ASGR2: variants seen among roughly 807,000 people sequenced by gnomAD.
ASGR2 encodes C-type lectin domain family 4 member H2.
In ASGR2, 34 loss-of-function variants were observed where a neutral mutation model predicts 32.3. That is an observed-to-expected ratio of 1.05 (90% CI 0.80 to 1.40). The LOEUF is 1.40. ASGR2 is among the 40% of genes most tolerant of loss of function. The probability of loss-of-function intolerance (pLI) is 0.00; values close to 1 mark genes in which losing one functional copy is unlikely to be tolerated. For missense variants in ASGR2, 385 were observed against 386.4 expected, an observed-to-expected ratio of 1.00 and a Z score of 0.03; for synonymous variants, 143 against 150.0, an observed-to-expected ratio of 0.95 and a Z score of 0.34.
intron 2 of ASGR2, among the ~76,000 whole-genome samples, chr17:7,110,390 G>C (rs895823879): frequency 6.6e-6 from 1 of 151,540 alleles, no homozygotes; most frequent in Non-Finnish European, 1.5e-5. Flanking sequence ...GGCCCTCCAT[G>C]GCTGAGTCCC....
In ASGR2 at chr17:7,114,287, C is replaced by T. The variant is rs747752168; in HGVS notation, c.-47G>A. 4.0e-6 allele frequency: 6 copies of T among 1,494,836 alleles called. No homozygotes were observed. The East Asian group carries it at 1.4e-4, about 36-fold the overall frequency. The allele number at this position is 1,494,836 out of a possible 1,614,324, so 92.6% of individuals were successfully genotyped here. ...GGAGCTGGAGCTGGGCTGGGCTGGG[C>T]TGAGGTTGCTCTGAGGGCTGGGGCT... On this transcript the variant is annotated 5_prime_UTR_variant, in exon 2 of 9. Coordinates refer to ENST00000691900, the MANE Select transcript of ASGR2 (RefSeq NM_001201352.2). This position sits in a 1 kb window ranked among gnomAD's most constrained non-coding sequence, Gnocchi z 4.5.
Position 7,108,726 on chromosome 17 carries a change from C to T in ASGR2, c.241+46G>A, listed in dbSNP as rs199707493. On this transcript the variant is annotated intron_variant, in intron 3 of 8. Transcript: ENST00000691900. This position sits in a 1 kb window ranked among gnomAD's most constrained non-coding sequence, Gnocchi z 4.9. Reference sequence around the variant, plus strand: ...TCGCTGCCCGCCACTGCCCATGTCTCTTTCCCTACCCCTTGCCCATCCCTG... The same window carrying T: ...TCGCTGCCCGCCACTGCCCATGTCTTTTTCCCTACCCCTTGCCCATCCCTG... 9,284 of 1,613,834 alleles carry T rather than the reference C, an allele frequency of 5.8e-3. 54 individuals are homozygous for T. Among genetic ancestry groups the T allele is most frequent in the South Asian group, 0.02 (1,805 of 91,042 alleles).
chr17:7,113,576 C>T lies in ASGR2; in HGVS notation c.124+541G>A, dbSNP rs1915055107. 6.6e-6 allele frequency among the ~76,000 whole-genome samples: 1 copy of T among 150,948 alleles called. No individual in the cohort carries two copies. Among genetic ancestry groups the T allele is most frequent in the Non-Finnish European group, 1.5e-5 (1 of 67,722 alleles). On this transcript the variant is annotated intron_variant, in intron 2 of 8. Transcript: ENST00000691900. This position sits in a 1 kb window ranked among gnomAD's most constrained non-coding sequence, Gnocchi z 5.1. ...ATACACACAACATACACACAACATA[C>T]ACACACTCACATACACAACATACAC...
At chr17:7,102,471 A>G (rs1419329712) in intron 7 of ASGR2, among the ~76,000 whole-genome samples, 1 of 152,150 alleles carries the variant, frequency 6.6e-6, no homozygotes, top group Non-Finnish European at 1.5e-5. Flanking sequence ...CAGTGACCAC[A>G]TTTTGCAGGG....
intron 7 of ASGR2, among the ~76,000 whole-genome samples, 170 bp from the exon 8 acceptor site, chr17:7,102,366 CT>C (rs1912973867): frequency 6.6e-6 from 1 of 152,204 alleles, no homozygotes; most frequent in Admixed American, 6.5e-5. Context: ...GTCACTCTAG[CT>C]ACTGTTCAGT....
chr17:7,102,221 T>C, intron 7 of ASGR2, 25 bp from the exon 8 acceptor site: 1 of 1,592,036 alleles, frequency 6.3e-7, no homozygotes, highest in Non-Finnish European at 8.6e-7. Flanking sequence ...AAACAGGAAA[T>C]TTCTAGTCTC....
chr17:7,113,603 C>T lies in ASGR2; in HGVS notation c.124+514G>A, dbSNP rs185028451. On this transcript the variant is annotated intron_variant, in intron 2 of 8. Transcript: ENST00000691900. This position sits in a 1 kb window ranked among gnomAD's most constrained non-coding sequence, Gnocchi z 5.1. ...CACACTCACATACACAACATACACTCGCACAACATACACACATGCACAAGA... is the reference window on the plus strand; with the variant it reads ...CACACTCACATACACAACATACACTTGCACAACATACACACATGCACAAGA... 6.4e-4 allele frequency among the ~76,000 whole-genome samples: 97 copies of T among 151,498 alleles called. No individual in the cohort carries two copies. The highest frequency in any genetic ancestry group is 1.2e-3 in the Non-Finnish European group (83 of 67,820).
chr17:7,102,026 G>A (rs1256828835), intron 8 of ASGR2, 64 bp downstream of exon 8: 3 of 1,513,152 alleles, frequency 2.0e-6, no homozygotes, highest in Non-Finnish European at 2.8e-6. Context: ...GTAGCTTGGA[G>A]TGAAAGGCCA....
upstream of ASGR2, chr17:7,115,016 C>T: frequency 1.0e-5 from 10 of 985,670 alleles, no homozygotes; most frequent in African/African-American, 1.7e-5. The surrounding 1 kb of genome is among the most constrained non-coding windows in gnomAD (Gnocchi z 4.2). Flanking sequence ...CCGTTTCCCT[C>T]TCTCCCTCCC....
In ASGR2 at chr17:7,101,595, C is replaced by A; in HGVS notation, c.901G>T (p.Ala301Ser). The change falls in exon 9 of 9, where the codon GCC (alanine) becomes TCC (serine). Residue 301 changes from alanine (A) to serine (S), a missense_variant. Coordinates refer to ENST00000691900, the MANE Select transcript of ASGR2 (RefSeq NM_001201352.2). Reference protein sequence around the residue: ...YRWVCEKRRNATGEVA With the variant: ...YRWVCEKRRNSTGEVA ...TGGGGTCAGGCCACCTCGCCGGTGGCATTCCGCCTTTTCTCACACACCCAG... is the reference window on the plus strand; with the variant it reads ...TGGGGTCAGGCCACCTCGCCGGTGGAATTCCGCCTTTTCTCACACACCCAG... 1 of 1,614,174 alleles carries A rather than the reference C, an allele frequency of 6.2e-7. No individual in the cohort carries two copies. Among genetic ancestry groups the A allele is most frequent in the Non-Finnish European group, 8.5e-7 (1 of 1,180,032 alleles).
At chr17:7,104,757 A>C (rs557490055) in intron 7 of ASGR2, among the ~76,000 whole-genome samples, 4 of 151,596 alleles carry the variant, frequency 2.6e-5, no homozygotes, top group African/African-American at 9.7e-5. Context: ...CGGGCGGATC[A>C]CGAGGTCAGG....
Position 7,101,402 on chromosome 17 carries a change from AG to A in ASGR2, c.*172del. On this transcript the variant is annotated 3_prime_UTR_variant, in exon 9 of 9. Transcript: ENST00000691900. ...AATAATTACAATGAATTACAGAAGG[AG>A]GTGGGATCTCAGTCCTCCAGGGTCA... is the stretch of plus-strand genomic sequence containing the variant. 1 of 679,614 alleles carries A rather than the reference AG, an allele frequency of 1.5e-6. No individual in the cohort carries two copies. The highest frequency in any genetic ancestry group is 2.3e-6 in the Non-Finnish European group (1 of 425,882). The allele number at this position is 679,614 out of a possible 1,614,324, so 42.1% of individuals were successfully genotyped here. A position where few individuals can be genotyped will look rare whatever the true frequency, so the allele number is the denominator to read the frequency against.
In ASGR2 at chr17:7,108,951, G is replaced by A. The variant is rs1446390815; in HGVS notation, c.125-63C>T. 18 of 1,465,758 alleles carry A rather than the reference G, an allele frequency of 1.2e-5. No homozygotes were observed. The highest frequency in any genetic ancestry group is 1.5e-5 in the African/African-American group (1 of 68,186). The allele number at this position is 1,465,758 out of a possible 1,614,324, so 90.8% of individuals were successfully genotyped here. ...GTGGGGAGCCGGAGGGTAAAGACAG[G>A]GCACCGAAGCCTGAGGAGGCATAAC... On this transcript the variant is annotated intron_variant, in intron 2 of 8. Transcript: ENST00000691900. This position sits in a 1 kb window ranked among gnomAD's most constrained non-coding sequence, Gnocchi z 4.9.
In ASGR2 at chr17:7,107,769, A is replaced by ACACATTACACACACCGCT; in HGVS notation, c.409+66_409+67insAGCGGTGTGTGTAATGTG. On this transcript the variant is annotated intron_variant, in intron 5 of 8. Coordinates refer to ENST00000691900, the MANE Select transcript of ASGR2 (RefSeq NM_001201352.2). The surrounding 1 kb of genome is among the most constrained non-coding windows in gnomAD (Gnocchi z 5.0). ...TGCACACTACACACACCGCACACGT[A>ACACATTACACACACCGCT]CACACTACACACACCGCACACGTAC... The ACACATTACACACACCGCT allele has an allele frequency of 2.0e-6, 1 of 492,054 alleles. No homozygotes were observed. Among genetic ancestry groups the ACACATTACACACACCGCT allele is most frequent in the Non-Finnish European group, 3.1e-6 (1 of 323,212 alleles). The allele number at this position is 492,054 out of a possible 1,614,324, so 30.5% of individuals were successfully genotyped here. A position where few individuals can be genotyped will look rare whatever the true frequency, so the allele number is the denominator to read the frequency against.
rs1915048412 is a variant in ASGR2, at chr17:7,113,558, C to A, written c.124+559G>T. On this transcript the variant is annotated intron_variant, in intron 2 of 8. Transcript: ENST00000691900. This position sits in a 1 kb window ranked among gnomAD's most constrained non-coding sequence, Gnocchi z 5.1. ...CACTCATACACAACATACATACACA[C>A]AACATACACACAACATACACACACT... Among the ~76,000 whole-genome samples the A allele has an allele frequency of 6.7e-6, 1 of 150,364 alleles. No homozygotes were observed. Among genetic ancestry groups the A allele is most frequent in the African/African-American group, 2.5e-5 (1 of 40,718 alleles).
At chr17:7,112,423 G>A (rs372287813) in intron 2 of ASGR2, among the ~76,000 whole-genome samples, 27 of 151,948 alleles carry the variant, frequency 1.8e-4, no homozygotes, top group Non-Finnish European at 3.4e-4. Context: ...CAGCCCATTC[G>A]CGTGAGCTCA....
rs1914052653 is a variant in ASGR2, at chr17:7,107,866, G to C, written c.379C>G (p.Leu127Val). 1 of 1,612,484 alleles carries C rather than the reference G, an allele frequency of 6.2e-7. No individual in the cohort carries two copies. The highest frequency in any genetic ancestry group is 1.3e-5 in the African/African-American group (1 of 74,852). Reference protein sequence around the residue: ...GDKITSLGAKLEKQQQDLKAD... With the variant: ...GDKITSLGAKVEKQQQDLKAD... The stretch of plus-strand genomic sequence containing the variant: ...TTCAGGTCCTGCTGCTGTTTCTCCA[G>C]CTTGGCTCCTAGGGATGTGATCTTG... Residue 127 changes from leucine (L) to valine (V), a missense_variant, in exon 5 of 9, where the codon CTG becomes GTG. Physicochemically the swap from Leu to Val is conservative, Grantham distance 32. Coordinates refer to ENST00000691900, the MANE Select transcript of ASGR2 (RefSeq NM_001201352.2). This position sits in a 1 kb window ranked among gnomAD's most constrained non-coding sequence, Gnocchi z 5.0.
In ASGR2 at chr17:7,108,434, A is replaced by T. The variant is rs377637458; in HGVS notation, c.337+28T>A. The T allele has an allele frequency of 6.4e-7, 1 of 1,562,536 alleles. No homozygotes were observed. The highest frequency in any genetic ancestry group is 1.4e-5 in the African/African-American group (1 of 74,022). On this transcript the variant is annotated intron_variant, in intron 4 of 8. Coordinates refer to ENST00000691900, the MANE Select transcript of ASGR2 (RefSeq NM_001201352.2). The surrounding 1 kb of genome is among the most constrained non-coding windows in gnomAD (Gnocchi z 4.9). ...GAGCCCAGCAAACCTGTGCGGATAA[A>T]TGAGAACCCAGCCGTCCAGCCCCTC...
At position 7,108,678 on chromosome 17, in the gene ASGR2, C is replaced by T; in HGVS notation, c.241+94G>A. 3 of 1,606,342 alleles carry T rather than the reference C, an allele frequency of 1.9e-6. No individual in the cohort carries two copies. In the South Asian group the frequency reaches 3.3e-5, roughly 18 times the overall value. ...AGCTTGTGCTCCACCCCGCCTCCAT[C>T]CCTTCCCCTCCCATCGCCCCGATCG... On this transcript the variant is annotated intron_variant, in intron 3 of 8. Transcript: ENST00000691900. The surrounding 1 kb of genome is among the most constrained non-coding windows in gnomAD (Gnocchi z 4.9).
Sources: gnomAD v4.1 joint callset for allele counts (sites outside exome capture counted in the v4.1 genomes callset) on GRCh38, gnomAD v4.1.1 for gene constraint, Gnocchi (gnomAD v3.1) non-coding constraint, MANE v1.5 for transcripts, NCBI Gene and HGNC (gene_info 2026-07-23, HGNC 2026-07-21) for gene names.